CDH2: variants seen among roughly 807,000 people sequenced by gnomAD.
CDH2 encodes the protein cadherin 2.
CDH2 carries 17 observed loss-of-function variants against 92.0 expected under a neutral mutation model. That is an observed-to-expected ratio of 0.18 (90% CI 0.13 to 0.28). CDH2 has a LOEUF of 0.28. CDH2 is among the 10% of genes least tolerant of loss of function. The pLI, the probability that CDH2 is intolerant of heterozygous loss-of-function variation, is 1.00. For synonymous variants in CDH2, 419 were observed against 415.9 expected (o/e 1.01, Z -0.09); for missense variants, 862 against 1,133.1 (o/e 0.76, Z 3.44).
intron 2 of CDH2, among the ~76,000 whole-genome samples, chr18:28,102,646 C>T (rs1252986967): frequency 1.3e-5 from 2 of 152,000 alleles, no homozygotes; most frequent in Admixed American, 6.6e-5. Flanking sequence ...AGAGTTTAGC[C>T]ACTTAATGTA....
Position 28,082,210 on chromosome 18 carries a change from C to T in CDH2, c.172+65463G>A, listed in dbSNP as rs1035932496. 2.4e-4 allele frequency among the ~76,000 whole-genome samples: 37 copies of T among 151,630 alleles called. 1 individual carries two copies. Among genetic ancestry groups the T allele is most frequent in the African/African-American group, 7.5e-4 (31 of 41,246 alleles). ...CTGCTTGAGCCCAGGAGTTAGAGACCGGCCTGGGAAATATATGGAGACTCT... is the reference window on the plus strand; with the variant it reads ...CTGCTTGAGCCCAGGAGTTAGAGACTGGCCTGGGAAATATATGGAGACTCT... On this transcript the variant is annotated intron_variant, in intron 2 of 15. Coordinates refer to ENST00000269141, the MANE Select transcript of CDH2 (RefSeq NM_001792.5).
At chr18:28,074,689 C>T (rs540987781) in intron 2 of CDH2, among the ~76,000 whole-genome samples, 1 of 115,992 alleles carries the variant, frequency 8.6e-6, no homozygotes, top group African/African-American at 3.3e-5. Flanking sequence ...CTAAAGGAGG[C>T]CCTTTTTTTT....
Position 28,175,787 on chromosome 18 carries a change from G to C in CDH2, c.60+1176C>G, listed in dbSNP as rs577996577. Among the ~76,000 whole-genome samples the C allele has an allele frequency of 3.3e-5, 5 of 152,346 alleles. No homozygotes were observed. The East Asian group carries it at 9.7e-4, about 29-fold the overall frequency. On this transcript the variant is annotated intron_variant, in intron 1 of 15. Transcript: ENST00000269141. Reference sequence around the variant, plus strand: ...TAGAGCACCTCTCCCCTTGCCCCGAGGGCGACAGGCAGGGGGACCCTCCGT... The same window carrying C: ...TAGAGCACCTCTCCCCTTGCCCCGACGGCGACAGGCAGGGGGACCCTCCGT...
chr18:28,156,241 A>G (rs1321122367), intron 1 of CDH2, among the ~76,000 whole-genome samples: 2 of 152,200 alleles, frequency 1.3e-5, no homozygotes, highest in East Asian at 1.9e-4. Flanking sequence ...TTAATCAAGT[A>G]AGGACAAAGA....
intron 2 of CDH2, among the ~76,000 whole-genome samples, chr18:28,112,082 A>G (rs192684952): frequency 6.6e-6 from 1 of 152,148 alleles, no homozygotes; most frequent in Non-Finnish European, 1.5e-5. Flanking sequence ...GTTAACAGTT[A>G]GATATATTTA....
chr18:27,950,580 C>T (rs559342820), downstream of CDH2, among the ~76,000 whole-genome samples: 1 of 152,040 alleles, frequency 6.6e-6, no homozygotes, highest in Non-Finnish European at 1.5e-5. Flanking sequence ...GTCCTATAAC[C>T]CACTTTACTG....
chr18:27,990,069 C>CA, intron 10 of CDH2, 28 bp downstream of exon 10: 2 of 1,604,784 alleles, frequency 1.2e-6, no homozygotes, highest in Non-Finnish European at 1.7e-6. Flanking sequence ...AAGTAAGCTA[C>CA]AAAAACACTA....
intron 14 of CDH2, among the ~76,000 whole-genome samples, chr18:27,981,762 C>CTTATTA (rs1451198151): frequency 6.6e-6 from 1 of 152,114 alleles, no homozygotes. Flanking sequence ...AATTAGCAGG[C>CTTATTA]TTATCAATAA....
chr18:27,953,644 C>T (rs1401558445), intron 15 of CDH2, among the ~76,000 whole-genome samples: 4 of 73,716 alleles, frequency 5.4e-5, no homozygotes, highest in Non-Finnish European at 1.5e-4. Flanking sequence ...GGAAGAAGAG[C>T]AAAAAAATTA....
intron 1 of CDH2, among the ~76,000 whole-genome samples, chr18:28,165,971 T>C (rs902341145): frequency 1.9e-4 from 29 of 151,428 alleles, no homozygotes; most frequent in Non-Finnish European, 2.8e-4. Flanking sequence ...GCAAGACCTC[T>C]TTCCACAAAA....
intron 2 of CDH2, among the ~76,000 whole-genome samples, chr18:28,121,305 TC>T (rs2015584571): frequency 6.6e-6 from 1 of 152,144 alleles, no homozygotes; most frequent in African/African-American, 2.4e-5. Flanking sequence ...TAAACTACTC[TC>T]AAAGGGCCTC....
chr18:28,048,769 A>C (rs767512842), intron 2 of CDH2, among the ~76,000 whole-genome samples: 6 of 152,218 alleles, frequency 3.9e-5, no homozygotes, highest in Non-Finnish European at 5.9e-5. Context: ...GCCAGCAAAA[A>C]CAACAAACAA....
At chr18:28,154,651 C>T (rs561195584) in intron 1 of CDH2, among the ~76,000 whole-genome samples, 1 of 152,300 alleles carries the variant, frequency 6.6e-6, no homozygotes, top group Admixed American at 6.5e-5. Context: ...GTCCACTACT[C>T]TTTTCGGTTC....
chr18:27,985,056 G>A lies in CDH2; in HGVS notation c.2153C>T (p.Ala718Val), dbSNP rs140836073. ...AATGATGGCACCGGTGCCAAGCCCC[G>A]CACCCACAATCCTGTCCACATCTGT... is the stretch of plus-strand genomic sequence containing the variant. Reference protein sequence around the residue: ...DCTDVDRIVGAGLGTGAIIAI... With the variant: ...DCTDVDRIVGVGLGTGAIIAI... The change falls in exon 13 of 16, where the codon GCG becomes GTG. Residue 718 changes from alanine (A) to valine (V), a missense_variant. Physicochemically the swap from Ala to Val is moderately conservative, Grantham distance 64. Around this residue, in one of 5 missense-constraint regions of CDH2, gnomAD observed 564 missense variants for 722.2 expected, o/e 0.78. Coordinates refer to ENST00000269141, the MANE Select transcript of CDH2 (RefSeq NM_001792.5). 2.3e-5 allele frequency: 37 copies of A among 1,613,942 alleles called. No individual in the cohort carries two copies. The highest frequency in any genetic ancestry group is 1.2e-4 in the African/African-American group (9 of 74,904).
chr18:28,081,007 T>C (rs949849263), intron 2 of CDH2, among the ~76,000 whole-genome samples: 1 of 152,186 alleles, frequency 6.6e-6, no homozygotes, highest in African/African-American at 2.4e-5. Context: ...CCCCTAGCTA[T>C]GGGATCAAGA....
At chr18:28,171,454 C>T (rs1248983777) in intron 1 of CDH2, among the ~76,000 whole-genome samples, 2 of 152,012 alleles carry the variant, frequency 1.3e-5, no homozygotes, top group Non-Finnish European at 2.9e-5. Context: ...TTTTTATTCT[C>T]AGTAATATTA....
chr18:27,943,763 G>A (rs546317499), intron 6 of CDH2, among the ~76,000 whole-genome samples: 18 of 152,228 alleles, frequency 1.2e-4, no homozygotes, highest in East Asian at 5.8e-4. Flanking sequence ...TTGGTTCAAC[G>A]CAGTCTCTGA....
At chr18:27,971,153 T>C (rs1405616707) in intron 14 of CDH2, among the ~76,000 whole-genome samples, 2 of 152,104 alleles carry the variant, frequency 1.3e-5, no homozygotes, top group Admixed American at 6.5e-5. Context: ...GGAGAATTGC[T>C]TGAACCTGGG....
At chr18:27,978,913 C>A (rs1357314334) in intron 14 of CDH2, among the ~76,000 whole-genome samples, 1 of 151,896 alleles carries the variant, frequency 6.6e-6, no homozygotes, top group East Asian at 1.9e-4. Flanking sequence ...GCTTTAGCCT[C>A]CCAAAGTCCT....
Sources: allele counts gnomAD v4.1 joint callset (sites outside exome capture counted in the v4.1 genomes callset), GRCh38; gene constraint gnomAD v4.1.1; regional missense constraint gnomAD v4.1.1; transcripts MANE v1.5; gene names NCBI Gene and HGNC (gene_info 2026-07-23, HGNC 2026-07-21).